The following NRIP1 variants were observed in gnomAD, a reference collection of about 807,000 sequenced individuals.
NRIP1 encodes nuclear receptor-interacting protein 1.
A neutral mutation model predicts 75.0 loss-of-function variants in NRIP1; 28 were observed. The ratio of observed to expected loss-of-function variants is 0.37; its 90% CI spans 0.28 to 0.51. The LOEUF is 0.51. Among genes scored for constraint, NRIP1 ranks in the 20% least tolerant of loss-of-function variants. The probability of loss-of-function intolerance (pLI) is 0.92; values close to 1 mark genes in which losing one functional copy is unlikely to be tolerated. For synonymous variants in NRIP1, 526 were observed against 487.6 expected (o/e 1.08, Z -1.04); for missense variants, 1,435 against 1,343.7 (o/e 1.07, Z -1.06).
intron 3 of NRIP1, among the ~76,000 whole-genome samples, chr21:14,977,843 A>G (rs1244452384): frequency 6.6e-6 from 1 of 152,208 alleles, no homozygotes; most frequent in Non-Finnish European, 1.5e-5. Context: ...GCCAAAAATA[A>G]TTATCTAAAT....
At chr21:15,004,285 A>C (rs906020510) in intron 3 of NRIP1, among the ~76,000 whole-genome samples, 10 of 152,202 alleles carry the variant, frequency 6.6e-5, no homozygotes, top group Admixed American at 5.9e-4. Context: ...GTCAAAAAGC[A>C]ACTGGGTATA....
At chr21:14,985,343 C>T (rs2087366465) in intron 3 of NRIP1, among the ~76,000 whole-genome samples, 1 of 151,962 alleles carries the variant, frequency 6.6e-6, no homozygotes, top group South Asian at 2.1e-4. Context: ...ATATCTTTTT[C>T]CCTGGAATAT....
At chr21:15,016,701 G>A (rs2088238386) in intron 2 of NRIP1, among the ~76,000 whole-genome samples, 1 of 151,964 alleles carries the variant, frequency 6.6e-6, no homozygotes, top group Non-Finnish European at 1.5e-5. Flanking sequence ...TGGCTAACAA[G>A]GTAAAACCCC....
chr21:15,040,602 TAAAA>T (rs906246143), intron 2 of NRIP1, among the ~76,000 whole-genome samples: 4 of 152,002 alleles, frequency 2.6e-5, no homozygotes, highest in Admixed American at 2.0e-4. Context: ...ATTCAACTAA[TAAAA>T]AAAGCCTTCA....
rs145144925 is a variant in NRIP1, at chr21:15,047,929, C to T, written c.-537-4355G>A. Among the ~76,000 whole-genome samples the T allele has an allele frequency of 2.3e-4, 35 of 152,310 alleles. 1 individual carries two copies. The highest frequency in any genetic ancestry group is 2.3e-3 in the South Asian group (11 of 4,830). On this transcript the variant is annotated intron_variant, in intron 1 of 3. Transcript: ENST00000318948. ...CTCTTGATTTAAAGTAAGAGACCTA[C>T]AACTTTTCCTTGCATTTAAATACTT...
At chr21:15,062,150 C>T (rs968735426) in intron 1 of NRIP1, among the ~76,000 whole-genome samples, 2 of 152,222 alleles carry the variant, frequency 1.3e-5, no homozygotes, top group Non-Finnish European at 2.9e-5. Flanking sequence ...AACATTACTT[C>T]CTCCATGGAC....
At chr21:15,052,041 T>A (rs1329662871) in intron 1 of NRIP1, 1 of 152,186 alleles carries the variant, frequency 6.6e-6, no homozygotes, top group African/African-American at 2.4e-5. Context: ...TGCTGTAAAA[T>A]ATTAAATGCC....
At chr21:15,049,988 A>T (rs2823022) in intron 1 of NRIP1, among the ~76,000 whole-genome samples, 40,305 of 152,054 alleles carry the variant, frequency 0.27, 6,954 homozygotes, top group African/African-American at 0.49. Context: ...AAAATTTCTC[A>T]ATGTCTTCTT....
intron 3 of NRIP1, among the ~76,000 whole-genome samples, chr21:14,974,831 G>A (rs1325705697): frequency 6.6e-6 from 1 of 152,140 alleles, no homozygotes; most frequent in Non-Finnish European, 1.5e-5. Flanking sequence ...CACCTGGCTG[G>A]GCGCAGTGGC....
In NRIP1 at chr21:14,964,728, T is replaced by A; in HGVS notation, c.3465A>T (p.Lys1155Asn). The A allele has an allele frequency of 6.5e-7, 1 of 1,542,134 alleles. No individual in the cohort carries two copies. The highest frequency in any genetic ancestry group is 2.2e-5 in the East Asian group (1 of 44,492). Residue 1155 changes from lysine to asparagine, a missense_variant, in exon 4 of 4, where the codon AAA (lysine) becomes AAT (asparagine). By Grantham distance (94) the Lys-to-Asn change is moderately conservative. Transcript: ENST00000318948. Reference protein sequence around the residue: ...GLLGSVLTIKKESE With the variant: ...GLLGSVLTIKNESE ...TGGCAGGTACATTTTATTCTGATTC[T>A]TTCTTTATCGTTAGCACGCTTCCCA...
chr21:14,969,113 A>T (rs1449184985), intron 3 of NRIP1, among the ~76,000 whole-genome samples: 1 of 152,220 alleles, frequency 6.6e-6, no homozygotes, highest in Non-Finnish European at 1.5e-5. Context: ...CAAGTTGAAG[A>T]TTATTTTGTG....
Position 15,017,972 on chromosome 21 carries a change from A to G in NRIP1, c.-457-3506T>C, listed in dbSNP as rs192342296. Among the ~76,000 whole-genome samples, 4 of 152,370 alleles carry G rather than the reference A, an allele frequency of 2.6e-5. No individual in the cohort carries two copies. In the East Asian group the frequency reaches 7.7e-4, roughly 29 times the overall value. On this transcript the variant is annotated intron_variant, in intron 2 of 3. Coordinates refer to ENST00000318948, the MANE Select transcript of NRIP1 (RefSeq NM_003489.4). Reference sequence around the variant, plus strand: ...TATTTAAATAAAACCAACAAAAGATAACACAAAATAAACTACTCTAACATT... The same window carrying G: ...TATTTAAATAAAACCAACAAAAGATGACACAAAATAAACTACTCTAACATT...
intron 1 of NRIP1, among the ~76,000 whole-genome samples, chr21:15,056,100 T>C (rs1200078402): frequency 6.6e-6 from 1 of 152,154 alleles, no homozygotes; most frequent in Non-Finnish European, 1.5e-5. Flanking sequence ...CTGTGTGCTC[T>C]TCCATACAAA....
chr21:15,017,246 G>A (rs2088256768), intron 2 of NRIP1, among the ~76,000 whole-genome samples: 1 of 152,076 alleles, frequency 6.6e-6, no homozygotes, highest in South Asian at 2.1e-4. Context: ...TTTTAGAGAC[G>A]AGGATCTCGC....
intron 3 of NRIP1, among the ~76,000 whole-genome samples, chr21:14,990,398 C>G (rs1181533842): frequency 6.6e-6 from 1 of 152,134 alleles, no homozygotes; most frequent in Non-Finnish European, 1.5e-5. Context: ...TTAAGCAATG[C>G]AAATACTAAT....
intron 2 of NRIP1, among the ~76,000 whole-genome samples, chr21:15,027,117 AC>A (rs2147237519): frequency 6.6e-6 from 1 of 152,360 alleles, no homozygotes; most frequent in Non-Finnish European, 1.5e-5. Context: ...ACATAAAGTA[AC>A]ATATTACTTA....
At chr21:14,975,656 AG>A (rs1225530493) in intron 3 of NRIP1, among the ~76,000 whole-genome samples, 6 of 135,426 alleles carry the variant, frequency 4.4e-5, no homozygotes, top group African/African-American at 1.2e-4. Flanking sequence ...GAAGGAAGGA[AG>A]GGAGAGAGAG....
At chr21:14,969,820 A>G (rs2086855131) in intron 3 of NRIP1, among the ~76,000 whole-genome samples, 2 of 152,222 alleles carry the variant, frequency 1.3e-5, no homozygotes, top group Non-Finnish European at 2.9e-5. Flanking sequence ...AGGATAAGAA[A>G]TGATAGCCAA....
chr21:15,017,335 G>A (rs2088259818), intron 2 of NRIP1, among the ~76,000 whole-genome samples: 1 of 152,132 alleles, frequency 6.6e-6, no homozygotes, highest in Non-Finnish European at 1.5e-5. Context: ...TGGAACTGCA[G>A]GTGTGCACCA....
Sources: gnomAD v4.1 joint callset for allele counts (sites outside exome capture counted in the v4.1 genomes callset) on GRCh38, gnomAD v4.1.1 for gene constraint, MANE v1.5 for transcripts, NCBI Gene and HGNC (gene_info 2026-07-23, HGNC 2026-07-21) for gene names.